CWC27: variants seen among roughly 807,000 people sequenced by gnomAD.
CWC27 encodes CWC27 spliceosome associated cyclophilin.
Under a neutral mutation model 63.6 loss-of-function variants are expected in CWC27, and 47 were observed. That is an observed-to-expected ratio of 0.74 (90% CI 0.58 to 0.94). The LOEUF (loss-of-function observed/expected upper bound fraction) is 0.94. Among genes scored for constraint, CWC27 ranks in the 40% least tolerant of loss-of-function variants. CWC27 has a pLI of 0.00. For synonymous variants in CWC27, 175 were observed against 179.8 expected (o/e 0.97, Z 0.22); for missense variants, 495 against 554.3 (o/e 0.89, Z 1.07).
At chr5:64,946,994 T>C (rs1748603900) in intron 11 of CWC27, among the ~76,000 whole-genome samples, 1 of 152,140 alleles carries the variant, frequency 6.6e-6, no homozygotes, top group African/African-American at 2.4e-5. Flanking sequence ...GACTTGCATT[T>C]CTCATCTGTC....
At chr5:64,927,791 A>C (rs969385929) in intron 11 of CWC27, among the ~76,000 whole-genome samples, 15 of 152,132 alleles carry the variant, frequency 9.9e-5, no homozygotes, top group African/African-American at 3.6e-4. Context: ...ATCATTGTCC[A>C]CAACTCCTAA....
At chr5:64,870,429 A>G (rs1294454360) in intron 10 of CWC27, among the ~76,000 whole-genome samples, 1 of 151,904 alleles carries the variant, frequency 6.6e-6, no homozygotes, top group Non-Finnish European at 1.5e-5. Context: ...GAGATTTTGC[A>G]TGAGATCATG....
In CWC27 at chr5:65,018,320, A is replaced by G; in HGVS notation, c.1418A>G (p.Ter473=). The G allele has an allele frequency of 6.3e-7, 1 of 1,589,768 alleles. No homozygotes were observed. Residue 473 remains the stop codon, a stop_retained_variant, in exon 14 of 14, where the codon TAA becomes TGA. Coordinates refer to ENST00000381070, the MANE Select transcript of CWC27 (RefSeq NM_005869.4). ...ATGAGAGAGAAAAAAGAAAGAAGAT[A>G]AAATGAGAATAATGATAACCAGAAC... The part of the protein sequence containing the change: ...KLMREKKERR[*]
intron 1 of CWC27, among the ~76,000 whole-genome samples, chr5:64,771,123 C>T (rs1442771745): frequency 6.6e-6 from 1 of 152,110 alleles, no homozygotes; most frequent in Non-Finnish European, 1.5e-5. Flanking sequence ...AACATAAGGG[C>T]CCAAGTTTTC....
chr5:64,910,677 CCAGGCTGCTGCCTCG>C (rs1747766640), intron 11 of CWC27, among the ~76,000 whole-genome samples: 1 of 152,226 alleles, frequency 6.6e-6, no homozygotes, highest in Non-Finnish European at 1.5e-5. Context: ...CCTACCCCTG[CCAGGCTGCTGCCTCG>C]CAGGTCAGTC....
At chr5:64,929,509 C>G (rs1328515514) in intron 11 of CWC27, among the ~76,000 whole-genome samples, 1 of 151,994 alleles carries the variant, frequency 6.6e-6, no homozygotes. Flanking sequence ...ACACACAACT[C>G]AAGAATAAAA....
At chr5:64,837,338 G>T (rs1344739712) in intron 10 of CWC27, among the ~76,000 whole-genome samples, 2 of 152,026 alleles carry the variant, frequency 1.3e-5, no homozygotes, top group African/African-American at 4.8e-5. Context: ...TTGAGATTAG[G>T]AGTTGAAGAT....
At chr5:64,945,475 TCTC>T (rs1294308471) in intron 11 of CWC27, among the ~76,000 whole-genome samples, 2 of 152,126 alleles carry the variant, frequency 1.3e-5, no homozygotes, top group African/African-American at 2.4e-5. Flanking sequence ...CTAAACCACT[TCTC>T]CTTTTGTTAA....
chr5:64,962,470 G>A (rs1580751738), intron 11 of CWC27, among the ~76,000 whole-genome samples: 1 of 152,150 alleles, frequency 6.6e-6, no homozygotes, highest in Non-Finnish European at 1.5e-5. Context: ...ACATTTGGAT[G>A]GAAGATATGG....
rs1422564063 is a variant in CWC27 at position 65,018,702 on chromosome 5, T to G, written c.*381T>G. 1 of 152,294 alleles carries G rather than the reference T, an allele frequency of 6.6e-6. No individual in the cohort carries two copies. Among genetic ancestry groups the G allele is most frequent in the Non-Finnish European group, 1.5e-5 (1 of 68,188 alleles). 9.4% of individuals were successfully genotyped at this position (152,294 alleles called of 1,614,324 possible). On this transcript the variant is annotated 3_prime_UTR_variant, in exon 14 of 14. Coordinates refer to ENST00000381070, the MANE Select transcript of CWC27 (RefSeq NM_005869.4). ...ACAGAAAGAATATTTGTGGGAAACC[T>G]CCCTTTCACTAACTTCAGAATATAA...
intron 11 of CWC27, among the ~76,000 whole-genome samples, chr5:64,939,610 G>A (rs1383646698): frequency 6.6e-6 from 1 of 152,232 alleles, no homozygotes; most frequent in Non-Finnish European, 1.5e-5. Context: ...ACCCACTTGA[G>A]GAGGCAGTCT....
At chr5:64,923,538 G>A (rs1432074003) in intron 11 of CWC27, among the ~76,000 whole-genome samples, 1 of 149,150 alleles carries the variant, frequency 6.7e-6, no homozygotes, top group Non-Finnish European at 1.5e-5. Context: ...ATCTGTCAGA[G>A]GGTCTGTGTG....
chr5:64,807,212 G>A (rs570797124), intron 10 of CWC27, among the ~76,000 whole-genome samples: 20 of 152,224 alleles, frequency 1.3e-4, no homozygotes, highest in African/African-American at 3.9e-4. Flanking sequence ...GCAATGAGCC[G>A]TTCAAAGTAT....
intron 10 of CWC27, among the ~76,000 whole-genome samples, chr5:64,839,194 A>G (rs985146143): frequency 2.0e-5 from 3 of 152,324 alleles, no homozygotes; most frequent in Middle Eastern, 3.4e-3. Flanking sequence ...TGAGGTGCAC[A>G]GAATTTAGAT....
At chr5:65,013,243 T>A (rs1033151341) in intron 13 of CWC27, among the ~76,000 whole-genome samples, 2 of 152,176 alleles carry the variant, frequency 1.3e-5, no homozygotes, top group Non-Finnish European at 2.9e-5. Context: ...GAAAAGAGAC[T>A]TATGCTGAGC....
chr5:64,852,532 C>T (rs533093389), intron 10 of CWC27, among the ~76,000 whole-genome samples: 2 of 151,202 alleles, frequency 1.3e-5, no homozygotes, highest in Admixed American at 6.6e-5. Context: ...AGTGCAGCGG[C>T]GTGATCTCGG....
rs1399114860 is a variant in CWC27 at position 64,857,995 on chromosome 5, G to A, written c.939-27448G>A. Among the ~76,000 whole-genome samples the A allele has an allele frequency of 7.6e-5, 11 of 144,730 alleles. No individual in the cohort carries two copies. In the South Asian group the frequency reaches 1.8e-3, roughly 23 times the overall value. 94.9% of individuals were successfully genotyped at this position (144,730 alleles called of 152,430 possible). On this transcript the variant is annotated intron_variant, in intron 10 of 13. Transcript: ENST00000381070. ...TACTAAAAATACAAAAAAATTAGCC[G>A]GGCGTGGTAGCGGGCGCCTGTAGTC... is the stretch of plus-strand genomic sequence containing the variant.
At chr5:64,998,007 G>A (rs569998187) in intron 13 of CWC27, among the ~76,000 whole-genome samples, 66 of 152,180 alleles carry the variant, frequency 4.3e-4, no homozygotes, top group African/African-American at 1.4e-3. Context: ...TAAATAGGTC[G>A]TTGTCAGAGT....
chr5:64,859,423 T>C (rs1007329337), intron 10 of CWC27, among the ~76,000 whole-genome samples: 6 of 152,182 alleles, frequency 3.9e-5, no homozygotes, highest in African/African-American at 1.4e-4. Flanking sequence ...GATTACACTA[T>C]AAATTATATC....
Sources: gnomAD v4.1 joint callset for allele counts (sites outside exome capture counted in the v4.1 genomes callset) on GRCh38, gnomAD v4.1.1 for gene constraint, MANE v1.5 for transcripts, NCBI Gene and HGNC (gene_info 2026-07-23, HGNC 2026-07-21) for gene names.